Variants in FSTL5 observed in about 807,000 individuals in gnomAD.
The protein encoded by FSTL5 is follistatin-related protein 5.
In FSTL5, 62 loss-of-function variants were observed where a neutral mutation model predicts 89.1. The ratio of observed to expected loss-of-function variants is 0.70; its 90% CI spans 0.57 to 0.86. The LOEUF is 0.86. Among genes scored for constraint, FSTL5 ranks in the 40% least tolerant of loss-of-function variants. The probability of loss-of-function intolerance (pLI) is 0.00; values close to 1 mark genes in which losing one functional copy is unlikely to be tolerated. For synonymous variants in FSTL5, 383 were observed against 346.2 expected (o/e 1.11, Z -1.18); for missense variants, 1,057 against 1,001.6 (o/e 1.06, Z -0.75).
At chr4:161,888,648 G>A (rs1258543781) in intron 4 of FSTL5, among the ~76,000 whole-genome samples, 1 of 151,920 alleles carries the variant, frequency 6.6e-6, no homozygotes, top group Non-Finnish European at 1.5e-5. Context: ...TATTCTAGTG[G>A]TAATGGGTGA....
In FSTL5 at chr4:161,611,874, C is replaced by T. The variant is rs534521209; in HGVS notation, c.895-24299G>A. ...TCCAAACTCTAATCCCCAAAAGGAG[C>T]GAATGAAAAGGTCAGAGCTGCTGTA... On this transcript the variant is annotated intron_variant, in intron 7 of 15. Coordinates refer to ENST00000306100, the MANE Select transcript of FSTL5 (RefSeq NM_020116.5). Among the ~76,000 whole-genome samples the T allele has an allele frequency of 1.1e-4, 17 of 152,264 alleles. No individual in the cohort carries two copies. The East Asian group carries it at 2.3e-3, about 21-fold the overall frequency.
chr4:161,890,514 C>T (rs1732951547), intron 4 of FSTL5, among the ~76,000 whole-genome samples: 1 of 151,616 alleles, frequency 6.6e-6, no homozygotes. Flanking sequence ...ATGGTGAAAC[C>T]CCGTCTCTAC....
chr4:161,726,907 A>AT (rs1739441945), intron 6 of FSTL5, among the ~76,000 whole-genome samples: 2 of 91,636 alleles, frequency 2.2e-5, no homozygotes, highest in African/African-American at 2.7e-5. Context: ...AGAGCAAAAA[A>AT]AAAAAATATA....
At chr4:161,471,644 ATGTT>A (rs1288918682) in intron 13 of FSTL5, among the ~76,000 whole-genome samples, 5 of 152,132 alleles carry the variant, frequency 3.3e-5, no homozygotes, top group African/African-American at 1.2e-4. Flanking sequence ...TTCTCTTTGA[ATGTT>A]TGGTAAAATT....
chr4:161,425,662 G>A (rs1732143774), intron 15 of FSTL5, among the ~76,000 whole-genome samples: 1 of 152,196 alleles, frequency 6.6e-6, no homozygotes, highest in Non-Finnish European at 1.5e-5. Context: ...AAAGCTGGAT[G>A]TTCTGGTCTG....
chr4:162,074,317 C>T (rs2031004231), intron 2 of FSTL5, among the ~76,000 whole-genome samples: 1 of 151,566 alleles, frequency 6.6e-6, no homozygotes, highest in African/African-American at 2.4e-5. Context: ...TTACCACATT[C>T]TTAGTAATGT....
At chr4:161,818,547 A>G (rs1236270005) in intron 4 of FSTL5, among the ~76,000 whole-genome samples, 2 of 152,120 alleles carry the variant, frequency 1.3e-5, no homozygotes, top group Admixed American at 1.3e-4. Flanking sequence ...AGACATCACC[A>G]TCGGGTGGGA....
chr4:161,879,985 TA>T (rs1445543375), intron 4 of FSTL5, among the ~76,000 whole-genome samples: 16 of 152,332 alleles, frequency 1.1e-4, no homozygotes, highest in Non-Finnish European at 1.8e-4. Flanking sequence ...AATTACTACT[TA>T]AAGGTGAGTT....
intron 3 of FSTL5, among the ~76,000 whole-genome samples, chr4:162,009,146 C>A (rs1736691262): frequency 6.6e-6 from 1 of 151,940 alleles, no homozygotes; most frequent in Non-Finnish European, 1.5e-5. Context: ...ATAATCAGAA[C>A]CGAAAGCCTT....
chr4:161,478,867 G>T (rs1729396978), intron 13 of FSTL5, among the ~76,000 whole-genome samples: 1 of 151,886 alleles, frequency 6.6e-6, no homozygotes, highest in African/African-American at 2.4e-5. Context: ...ATAAAAGAAA[G>T]AATTACCCTA....
intron 10 of FSTL5, among the ~76,000 whole-genome samples, chr4:161,521,848 C>CAAAAAAAAAAAAAAAAA (rs11405532): frequency 1.7e-5 from 1 of 58,178 alleles, no homozygotes; most frequent in African/African-American, 9.4e-5. Context: ...GACTCCACCT[C>CAAAAAAAAAAAAAAAAA]AAAAAAAAAA....
At chr4:162,084,184 AG>A (rs1730214663) in intron 2 of FSTL5, among the ~76,000 whole-genome samples, 1 of 152,006 alleles carries the variant, frequency 6.6e-6, no homozygotes, top group Non-Finnish European at 1.5e-5. Flanking sequence ...ATAGAACCAG[AG>A]TTTTGTAGAG....
intron 1 of FSTL5, among the ~76,000 whole-genome samples, chr4:162,152,596 C>A (rs1158678127): frequency 6.6e-6 from 1 of 152,022 alleles, no homozygotes; most frequent in Non-Finnish European, 1.5e-5. Flanking sequence ...CAAGCATGTG[C>A]ACAAACCCAA....
At chr4:161,628,317 T>C (rs1171341651) in intron 7 of FSTL5, among the ~76,000 whole-genome samples, 2 of 151,966 alleles carry the variant, frequency 1.3e-5, no homozygotes, top group East Asian at 3.9e-4. Flanking sequence ...ATTCTAGTTG[T>C]AGTAAATTAT....
intron 6 of FSTL5, among the ~76,000 whole-genome samples, chr4:161,687,868 G>T (rs1172987472): frequency 6.6e-6 from 1 of 152,176 alleles, no homozygotes; most frequent in East Asian, 1.9e-4. Context: ...GGAAGGTGGG[G>T]TCTAATGGGA....
chr4:162,031,345 A>C (rs541808848), intron 3 of FSTL5, among the ~76,000 whole-genome samples: 9 of 152,324 alleles, frequency 5.9e-5, no homozygotes, highest in Admixed American at 5.2e-4. Flanking sequence ...CTGATTACTA[A>C]TATCAAATGA....
In FSTL5 at chr4:161,748,904, CAA is replaced by C. The variant is rs5863481; in HGVS notation, c.727+10505_727+10506del. ...TTCTCAAAAGAAGACATACAAGTGG[CAA>C]AAAAAAATACATGAAAAAATGTTTA... On this transcript the variant is annotated intron_variant, in intron 6 of 15. Transcript: ENST00000306100. 8.6e-5 allele frequency among the ~76,000 whole-genome samples: 13 copies of C among 151,562 alleles called. No homozygotes were observed. In the Middle Eastern group the frequency reaches 0.014, roughly 161 times the overall value.
intron 4 of FSTL5, among the ~76,000 whole-genome samples, chr4:161,800,247 A>G (rs915876519): frequency 6.6e-6 from 1 of 151,668 alleles, no homozygotes. Context: ...TTAATTTCAC[A>G]TAATGGGATA....
At chr4:162,130,005 A>G (rs1420167037) in intron 1 of FSTL5, among the ~76,000 whole-genome samples, 1 of 152,228 alleles carries the variant, frequency 6.6e-6, no homozygotes, top group Admixed American at 6.5e-5. Context: ...ATAAAGCAAT[A>G]GAATTCTAAA....
Sources: allele counts gnomAD v4.1 joint callset (sites outside exome capture counted in the v4.1 genomes callset), GRCh38; gene constraint gnomAD v4.1.1; transcripts MANE v1.5; gene names NCBI Gene and HGNC (gene_info 2026-07-23, HGNC 2026-07-21).